SCN4B: variants seen among roughly 807,000 people sequenced by gnomAD.
The protein encoded by SCN4B is sodium voltage-gated channel beta subunit 4, also known as sodium channel regulatory subunit beta-4.
Under a neutral mutation model 19.6 loss-of-function variants are expected in SCN4B, and 20 were observed. The observed-to-expected ratio is 1.02, with a 90% CI of 0.72 to 1.48. The LOEUF (loss-of-function observed/expected upper bound fraction) is 1.48. Ranked by LOEUF, SCN4B falls within the 40% of genes most tolerant of loss-of-function variation. The pLI, the probability that SCN4B is intolerant of heterozygous loss-of-function variation, is 0.00. For missense variants in SCN4B, 271 were observed against 287.5 expected (o/e 0.94, Z 0.42); for synonymous variants, 127 against 122.8 (o/e 1.03, Z -0.22).
chr11:118,143,118 TC>T (rs1244584674), intron 3 of SCN4B, among the ~76,000 whole-genome samples: 1 of 152,142 alleles, frequency 6.6e-6, no homozygotes, highest in Non-Finnish European at 1.5e-5. Context: ...TCCAGGCCCC[TC>T]CCCTCAGTGG....
At chr11:118,145,437 T>C in intron 1 of SCN4B, 1 of 1,496,620 alleles carries the variant, frequency 6.7e-7, no homozygotes, top group Non-Finnish European at 8.9e-7. Context: ...AAGGACTGAA[T>C]TCTGGACCAG....
At position 118,136,923 on chromosome 11, in the gene SCN4B, A is replaced by G. The variant is rs1054557315; in HGVS notation, c.*104T>C. On this transcript the variant is annotated 3_prime_UTR_variant, in exon 5 of 5. Coordinates refer to ENST00000324727, the MANE Select transcript of SCN4B (RefSeq NM_174934.4). Reference sequence around the variant, plus strand: ...GCCCGGAAAGACTACAGTTTGAGCCAAGCAGCAGATGTCTCAGGCACGTGG... The same window carrying G: ...GCCCGGAAAGACTACAGTTTGAGCCGAGCAGCAGATGTCTCAGGCACGTGG... The G allele has an allele frequency of 2.5e-6, 2 of 793,880 alleles. No individual in the cohort carries two copies. Among genetic ancestry groups the G allele is most frequent in the African/African-American group, 3.4e-5 (2 of 58,570 alleles). The allele number at this position is 793,880 out of a possible 1,614,324, so 49.2% of individuals were successfully genotyped here.
intron 1 of SCN4B, among the ~76,000 whole-genome samples, chr11:118,146,390 G>A (rs1049389323): frequency 2.0e-4 from 31 of 152,312 alleles, no homozygotes; most frequent in African/African-American, 6.3e-4. Flanking sequence ...CGGGGGCGGG[G>A]AGGGTGTCTG....
At position 118,134,788 on chromosome 11, in the gene SCN4B, T is replaced by C. The variant is rs1165074495; in HGVS notation, c.*2239A>G. On this transcript the variant is annotated 3_prime_UTR_variant, in exon 5 of 5. Coordinates refer to ENST00000324727, the MANE Select transcript of SCN4B (RefSeq NM_174934.4). ...CTATCCCTGCAATTAATACCTGGCT[T>C]CCCAGATCCCTTTCCAAGCCAAAAA... 2.2e-6 allele frequency: 1 copy of C among 454,064 alleles called. No individual in the cohort carries two copies. Among genetic ancestry groups the C allele is most frequent in the Non-Finnish European group, 4.4e-6 (1 of 226,766 alleles). The allele number at this position is 454,064 out of a possible 1,614,324, so 28.1% of individuals were successfully genotyped here.
Position 118,134,981 on chromosome 11 carries a change from C to T in SCN4B, c.*2046G>A, listed in dbSNP as rs758178827. 4.4e-6 allele frequency: 2 copies of T among 454,054 alleles called. No individual in the cohort carries two copies. Among genetic ancestry groups the T allele is most frequent in the South Asian group, 3.1e-5 (2 of 64,460 alleles). The allele number at this position is 454,054 out of a possible 1,614,324, so 28.1% of individuals were successfully genotyped here. On this transcript the variant is annotated 3_prime_UTR_variant, in exon 5 of 5. Transcript: ENST00000324727. The stretch of plus-strand genomic sequence containing the variant: ...GGAAAGAGAGGATGGTGCCCTTCTT[C>T]TCCCTACTCTACGTGCCTTGGCTTT...
Position 118,152,788 on chromosome 11 carries a change from CCGGT to C in SCN4B, c.-119_-116del. The C allele has an allele frequency of 1.4e-6, 1 of 729,822 alleles. No individual in the cohort carries two copies. The highest frequency in any genetic ancestry group is 1.8e-5 in the African/African-American group (1 of 55,508). 45.2% of individuals were successfully genotyped at this position (729,822 alleles called of 1,614,324 possible). On this transcript the variant is annotated 5_prime_UTR_variant, in exon 1 of 5. Coordinates refer to ENST00000324727, the MANE Select transcript of SCN4B (RefSeq NM_174934.4). ...AAAGCTACCCCGGAGCTCTGCGCCG[CCGGT>C]CGGGGCTCGGGAAAGTTAGCGGGCA... is the stretch of plus-strand genomic sequence containing the variant.
Position 118,148,211 on chromosome 11 carries a change from A to G in SCN4B, c.62-2982T>C, listed in dbSNP as rs779578199. ...TCCAGAGCCCTGCCCGAGTGAAAGC[A>G]TCAGAGAGGGTGGGCAAGCCTGGCT... On this transcript the variant is annotated intron_variant, in intron 1 of 4. Coordinates refer to ENST00000324727, the MANE Select transcript of SCN4B (RefSeq NM_174934.4). The surrounding 1 kb of genome is among the most constrained non-coding windows in gnomAD (Gnocchi z 4.0). Among the ~76,000 whole-genome samples, 2 of 152,240 alleles carry G rather than the reference A, an allele frequency of 1.3e-5. No individual in the cohort carries two copies. Among genetic ancestry groups the G allele is most frequent in the Non-Finnish European group, 2.9e-5 (2 of 68,038 alleles).
intron 3 of SCN4B, 137 bp from the exon 4 acceptor site, chr11:118,141,473 A>G: frequency 1.0e-6 from 1 of 965,158 alleles, no homozygotes; most frequent in Non-Finnish European, 1.6e-6. Context: ...CCAGACCCCC[A>G]GCCCTCCCCA....
rs772086614 is a variant in SCN4B, at chr11:118,135,966, G to GCGAA, written c.*1057_*1060dup. 68 of 454,056 alleles carry GCGAA rather than the reference G, an allele frequency of 1.5e-4. No homozygotes were observed. In the East Asian group the frequency reaches 4.3e-3, roughly 29 times the overall value. 28.1% of individuals were successfully genotyped at this position (454,056 alleles called of 1,614,324 possible). A position where few individuals can be genotyped will look rare whatever the true frequency, so the allele number is the denominator to read the frequency against. On this transcript the variant is annotated 3_prime_UTR_variant, in exon 5 of 5. Coordinates refer to ENST00000324727, the MANE Select transcript of SCN4B (RefSeq NM_174934.4). ...CATCCAAAGGAAGAGAGTCCCTGAG[G>GCGAA]CGAAGGCAGGCCCTTGACCCAGGGC...
chr11:118,134,154 A>G lies in SCN4B; in HGVS notation c.*2873T>C, dbSNP rs770168408. The G allele has an allele frequency of 2.0e-5, 9 of 454,196 alleles. 1 individual carries two copies. The highest frequency in any genetic ancestry group is 1.4e-4 in the South Asian group (9 of 64,474). 28.1% of individuals were successfully genotyped at this position (454,196 alleles called of 1,614,324 possible). On this transcript the variant is annotated 3_prime_UTR_variant, in exon 5 of 5. Transcript: ENST00000324727. ...GCTCTCCCCAGGCCTCTCTAACATC[A>G]GGGGTTTATTCGGGCTGCCTTCTGT...
At position 118,145,202 on chromosome 11, in the gene SCN4B, G is replaced by A. The variant is rs1384148043; in HGVS notation, c.89C>T (p.Ser30Leu). Reference sequence around the variant, plus strand: ...GGCCTTTCCCACAGACACCTCCAGCGACAGGGTTACGGGGAGCAGGAAGAG... The same window carrying A: ...GGCCTTTCCCACAGACACCTCCAGCAACAGGGTTACGGGGAGCAGGAAGAG... ...LGLFLLPVTL[S>L]LEVSVGKATD... Residue 30 changes from serine to leucine, a missense_variant, in exon 2 of 5, where the codon TCG becomes TTG. Ser to Leu is a moderately radical substitution (Grantham distance 145). Transcript: ENST00000324727. 3 of 1,613,988 alleles carry A rather than the reference G, an allele frequency of 1.9e-6. No homozygotes were observed. The highest frequency in any genetic ancestry group is 2.5e-6 in the Non-Finnish European group (3 of 1,180,018).
chr11:118,150,193 C>T (rs1174047290), intron 1 of SCN4B, among the ~76,000 whole-genome samples: 2 of 152,138 alleles, frequency 1.3e-5, no homozygotes, highest in African/African-American at 4.8e-5. Context: ...AAGGAGTGGG[C>T]AGGACAGAGA....
chr11:118,136,037 T>TGTG lies in SCN4B; in HGVS notation c.*989_*990insCAC. On this transcript the variant is annotated 3_prime_UTR_variant, in exon 5 of 5. Transcript: ENST00000324727. ...GGGCAGGGCGTGATGGAGGGCACGG[T>TGTG]GGGGGGGGGGGAGCGAGCCAATGGG... 1 of 362,672 alleles carries TGTG rather than the reference T, an allele frequency of 2.8e-6. No homozygotes were observed. Among genetic ancestry groups the TGTG allele is most frequent in the Non-Finnish European group, 5.5e-6 (1 of 182,144 alleles). The allele number at this position is 362,672 out of a possible 1,614,324, so 22.5% of individuals were successfully genotyped here. A position where few individuals can be genotyped will look rare whatever the true frequency, so the allele number is the denominator to read the frequency against.
At chr11:118,151,120 G>A (rs1341319482) in intron 1 of SCN4B, among the ~76,000 whole-genome samples, 12 of 100,860 alleles carry the variant, frequency 1.2e-4, no homozygotes, top group African/African-American at 5.2e-4. Flanking sequence ...CCTTACACAC[G>A]TGCACACACA....
chr11:118,134,342 C>T lies in SCN4B; in HGVS notation c.*2685G>A, dbSNP rs1303486843. ...CGACTTTGTAAGTGGCTCTCTCTAG[C>T]CCACAAGCCCTGGAAGCCACCATCA... On this transcript the variant is annotated 3_prime_UTR_variant, in exon 5 of 5. Transcript: ENST00000324727. 4 of 453,972 alleles carry T rather than the reference C, an allele frequency of 8.8e-6. No homozygotes were observed. Among genetic ancestry groups the T allele is most frequent in the Middle Eastern group, 6.8e-4 (1 of 1,466 alleles). 28.1% of individuals were successfully genotyped at this position (453,972 alleles called of 1,614,324 possible).
intron 1 of SCN4B, among the ~76,000 whole-genome samples, chr11:118,146,125 G>A (rs1168330290): frequency 6.6e-6 from 1 of 151,926 alleles, no homozygotes; most frequent in Non-Finnish European, 1.5e-5. Context: ...CCTGCAGCCC[G>A]GCCTTCTCGC....
In SCN4B at chr11:118,134,291, C is replaced by A; in HGVS notation, c.*2736G>T. On this transcript the variant is annotated 3_prime_UTR_variant, in exon 5 of 5. Coordinates refer to ENST00000324727, the MANE Select transcript of SCN4B (RefSeq NM_174934.4). The stretch of plus-strand genomic sequence containing the variant: ...GTCTCGCTGACATCACTCAGCCCAG[C>A]TGCATGTGGCCAGGTCTCTCAAGAT... 1 of 454,148 alleles carries A rather than the reference C, an allele frequency of 2.2e-6. No homozygotes were observed. Among genetic ancestry groups the A allele is most frequent in the Non-Finnish European group, 4.4e-6 (1 of 226,804 alleles). The allele number at this position is 454,148 out of a possible 1,614,324, so 28.1% of individuals were successfully genotyped here. A position where few individuals can be genotyped will look rare whatever the true frequency, so the allele number is the denominator to read the frequency against.
Position 118,145,045 on chromosome 11 carries a change from C to A in SCN4B, c.234+12G>T, listed in dbSNP as rs750811942. ...GAGGCTGGGCTGTACTGTTCTTCCT[C>A]CAAATACTTACAATCTTGAATGCGT... On this transcript the variant is annotated intron_variant, in intron 2 of 4. Coordinates refer to ENST00000324727, the MANE Select transcript of SCN4B (RefSeq NM_174934.4). 5 of 1,613,840 alleles carry A rather than the reference C, an allele frequency of 3.1e-6. No homozygotes were observed.
In SCN4B at chr11:118,134,346, C is replaced by T. The variant is rs906642060; in HGVS notation, c.*2681G>A. ...TTTGTAAGTGGCTCTCTCTAGCCCA[C>T]AAGCCCTGGAAGCCACCATCAGAGA... On this transcript the variant is annotated 3_prime_UTR_variant, in exon 5 of 5. Coordinates refer to ENST00000324727, the MANE Select transcript of SCN4B (RefSeq NM_174934.4). 8.8e-6 allele frequency: 4 copies of T among 453,980 alleles called. No homozygotes were observed. The highest frequency in any genetic ancestry group is 1.8e-5 in the Non-Finnish European group (4 of 226,772). 28.1% of individuals were successfully genotyped at this position (453,980 alleles called of 1,614,324 possible).
Sources: allele counts gnomAD v4.1 joint callset (sites outside exome capture counted in the v4.1 genomes callset), GRCh38; gene constraint gnomAD v4.1.1; non-coding constraint Gnocchi (gnomAD v3.1); transcripts MANE v1.5; gene names NCBI Gene and HGNC (gene_info 2026-07-23, HGNC 2026-07-21).